TNXB: variants seen among roughly 807,000 people sequenced by gnomAD.
TNXB encodes tenascin XB, also known as tenascin-X.
A neutral mutation model predicts 340.5 loss-of-function variants in TNXB; 183 were observed. The ratio of observed to expected loss-of-function variants is 0.54; its 90% confidence interval spans 0.48 to 0.61. TNXB has a LOEUF of 0.61. Ranked by LOEUF, TNXB falls within the 20% of genes least tolerant of loss-of-function variation. TNXB has a pLI of 0.00. For missense variants in TNXB, 4,613 were observed against 5,446.4 expected (o/e 0.85, Z 4.82); for synonymous variants, 2,121 against 2,314.5 (o/e 0.92, Z 2.40).
chr6:32,097,366 C>T lies in TNXB; in HGVS notation c.487G>A (p.Gly163Ser). 1 of 1,612,534 alleles carries T rather than the reference C, an allele frequency of 6.2e-7. No individual in the cohort carries two copies. Among genetic ancestry groups the T allele is most frequent in the Non-Finnish European group, 8.5e-7 (1 of 1,179,834 alleles). The change falls in exon 3 of 44, where the codon GGT becomes AGT. Residue 163 changes from glycine to serine, a missense_variant. Coordinates refer to ENST00000644971, the MANE Select transcript of TNXB (RefSeq NM_001365276.2). The surrounding 1 kb of genome is among the most constrained non-coding windows in gnomAD (Gnocchi z 5.9). Reference sequence around the variant, plus strand: ...GTGGGGTCTGAGCAGGTGGGCCCACCCCAGCCTGGCTCACAGGAACAGGTG... The same window carrying T: ...GTGGGGTCTGAGCAGGTGGGCCCACTCCAGCCTGGCTCACAGGAACAGGTG... ...RCTCSCEPGW[G>S]GPTCSDPTDA...
chr6:32,057,323 C>G (rs909925914), intron 22 of TNXB, among the ~76,000 whole-genome samples: 1 of 152,208 alleles, frequency 6.6e-6, no homozygotes, highest in Non-Finnish European at 1.5e-5. Flanking sequence ...CAGCTCCTCA[C>G]CAGCTGCCAG....
rs1230628206 is a variant in TNXB, at chr6:32,068,460, T to C, written c.6150A>G (p.Lys2050=). 3 of 1,613,886 alleles carry C rather than the reference T, an allele frequency of 1.9e-6. No individual in the cohort carries two copies. Among genetic ancestry groups the C allele is most frequent in the East Asian group, 2.2e-5 (1 of 44,888 alleles). ...GGAAGCCGTACAGGTTCATCTTGTA[T>C]TTATGGTCTGGCTCCAGGCCCGAGA... ...VTISGLEPDH[K]YKMNLYGFHG... The change falls in exon 17 of 44, where the codon AAA becomes AAG. Residue 2050 remains lysine, a synonymous_variant. Coordinates refer to ENST00000644971, the MANE Select transcript of TNXB (RefSeq NM_001365276.2). This position sits in a 1 kb window ranked among gnomAD's most constrained non-coding sequence, Gnocchi z 5.3.
At position 32,068,560 on chromosome 6, in the gene TNXB, A is replaced by C. The variant is rs780431751; in HGVS notation, c.6050T>G (p.Phe2017Cys). The C allele has an allele frequency of 1.2e-6, 2 of 1,613,956 alleles. No homozygotes were observed. Among genetic ancestry groups the C allele is most frequent in the Admixed American group, 3.3e-5 (2 of 60,026 alleles). The change falls in exon 17 of 44, where the codon TTC becomes TGC. Residue 2017 changes from phenylalanine (F) to cysteine (C), a missense_variant. Physicochemically the swap from Phe to Cys is radical, Grantham distance 205. Around this residue, in one of 7 missense-constraint regions of TNXB, gnomAD observed 4,327 missense variants for 4,859.4 expected, o/e 0.89. Transcript: ENST00000644971. The surrounding 1 kb of genome is among the most constrained non-coding windows in gnomAD (Gnocchi z 5.3). ...ATCTCCATTCCTGTACTGGACCAGG[A>C]AGTGGTCAAACTGTCCCTCGGGAAC... ...WTVPEGQFDH[F>C]LVQYRNGDGQ...
At chr6:32,086,341 T>C (rs1378682528) in intron 6 of TNXB, among the ~76,000 whole-genome samples, 1 of 152,092 alleles carries the variant, frequency 6.6e-6, no homozygotes, top group Non-Finnish European at 1.5e-5. Context: ...AGGCAGGTAA[T>C]AGGTAAAATA....
At position 32,082,123 on chromosome 6, in the gene TNXB, G is replaced by T. The variant is rs1779497460; in HGVS notation, c.3649C>A (p.Leu1217Met). Reference sequence around the variant, plus strand: ...AATCTGTACTTGTGGTCAGGGTCCAGTGAGGAGACAACAAATGAACGCTCG... The same window carrying T: ...AATCTGTACTTGTGGTCAGGGTCCATTGAGGAGACAACAAATGAACGCTCG... ...GPERSFVVSS[L>M]DPDHKYRFTL... Residue 1217 changes from leucine to methionine, a missense_variant, in exon 9 of 44, where the codon CTG becomes ATG. Coordinates refer to ENST00000644971, the MANE Select transcript of TNXB (RefSeq NM_001365276.2). The surrounding 1 kb of genome is among the most constrained non-coding windows in gnomAD (Gnocchi z 5.0). 1 of 1,611,764 alleles carries T rather than the reference G, an allele frequency of 6.2e-7. No individual in the cohort carries two copies. Among genetic ancestry groups the T allele is most frequent in the Non-Finnish European group, 8.5e-7 (1 of 1,179,222 alleles).
At chr6:32,091,898 T>C (rs1342997770) in intron 4 of TNXB, among the ~76,000 whole-genome samples, 1 of 152,216 alleles carries the variant, frequency 6.6e-6, no homozygotes, top group Non-Finnish European at 1.5e-5. Context: ...GTTTTTAGAC[T>C]AGACCCAAGC....
rs1333865766 is a variant in TNXB at position 32,067,177 on chromosome 6, A to AAGAAAG, written c.6544+478_6544+483dup. Among the ~76,000 whole-genome samples the AAGAAAG allele has an allele frequency of 2.0e-5, 3 of 150,280 alleles. No individual in the cohort carries two copies. The East Asian group carries it at 5.9e-4, about 30-fold the overall frequency. Reference sequence around the variant, plus strand: ...AAAGAAAGAAAGAAAGAAAGAAAGAAAGAAAGAAAACATTCTAGTGATTCT... The same window carrying AAGAAAG: ...AAAGAAAGAAAGAAAGAAAGAAAGAAAGAAAGAGAAAGAAAACATTCTAGTGATTCT... On this transcript the variant is annotated intron_variant, in intron 18 of 43. Coordinates refer to ENST00000644971, the MANE Select transcript of TNXB (RefSeq NM_001365276.2). This position sits in a 1 kb window ranked among gnomAD's most constrained non-coding sequence, Gnocchi z 4.2.
Position 32,083,226 on chromosome 6 carries a change from A to C in TNXB, c.3446-900T>G, listed in dbSNP as rs1260257562. The stretch of plus-strand genomic sequence containing the variant: ...CCTCCCTGGTTCTGCCCCTCCCTGC[A>C]AGTCACTCCGCAAGCTACCCTGTGG... On this transcript the variant is annotated intron_variant, in intron 8 of 43. Transcript: ENST00000644971. This position sits in a 1 kb window ranked among gnomAD's most constrained non-coding sequence, Gnocchi z 4.6. 6.6e-6 allele frequency among the ~76,000 whole-genome samples: 1 copy of C among 152,060 alleles called. No individual in the cohort carries two copies. Among genetic ancestry groups the C allele is most frequent in the East Asian group, 1.9e-4 (1 of 5,182 alleles).
Position 32,073,609 on chromosome 6 carries a change from G to A in TNXB, c.4681+38C>T. 1.9e-6 allele frequency: 3 copies of A among 1,565,326 alleles called. No individual in the cohort carries two copies. The highest frequency in any genetic ancestry group is 1.7e-5 in the Admixed American group (1 of 58,296). ...GGGCCATGGGGTGGGGGAGCTCTGG[G>A]TAACCAGAGATGAGGACTGAGTCCC... On this transcript the variant is annotated intron_variant, in intron 12 of 43. Transcript: ENST00000644971. The surrounding 1 kb of genome is among the most constrained non-coding windows in gnomAD (Gnocchi z 4.6).
At position 32,085,163 on chromosome 6, in the gene TNXB, A is replaced by T. The variant is rs1779698238; in HGVS notation, c.3149-454T>A. On this transcript the variant is annotated intron_variant, in intron 7 of 43. Transcript: ENST00000644971. The surrounding 1 kb of genome is among the most constrained non-coding windows in gnomAD (Gnocchi z 6.4). ...GGAACAAAGAGGGGATGTGAAAGCCAGGTACCCCAGGACCTGTCTTTCACT... is the reference window on the plus strand; with the variant it reads ...GGAACAAAGAGGGGATGTGAAAGCCTGGTACCCCAGGACCTGTCTTTCACT... Among the ~76,000 whole-genome samples the T allele has an allele frequency of 1.3e-5, 2 of 152,100 alleles. No individual in the cohort carries two copies. Among genetic ancestry groups the T allele is most frequent in the African/African-American group, 2.4e-5 (1 of 41,408 alleles).
rs1778221620 is a variant in TNXB at position 32,064,654 on chromosome 6, A to G, written c.6841+167T>C. On this transcript the variant is annotated intron_variant, in intron 19 of 43. Coordinates refer to ENST00000644971, the MANE Select transcript of TNXB (RefSeq NM_001365276.2). This position sits in a 1 kb window ranked among gnomAD's most constrained non-coding sequence, Gnocchi z 5.3. ...AAAGCCCATGTGTAACGGGCAGAAG[A>G]CCTGGGGCAATACCAAAGTCTCGGA... Among the ~76,000 whole-genome samples, 1 of 152,064 alleles carries G rather than the reference A, an allele frequency of 6.6e-6. No individual in the cohort carries two copies. Among genetic ancestry groups the G allele is most frequent in the Non-Finnish European group, 1.5e-5 (1 of 68,016 alleles).
At chr6:32,104,709 G>A (rs991380623) in intron 1 of TNXB, among the ~76,000 whole-genome samples, 2 of 151,604 alleles carry the variant, frequency 1.3e-5, no homozygotes, top group Admixed American at 6.6e-5. Flanking sequence ...ATCATAGCTC[G>A]CTGCAGCATT....
chr6:32,061,490 C>A lies in TNXB; in HGVS notation c.7399G>T (p.Gly2467Trp), dbSNP rs765865300. 2 of 1,611,940 alleles carry A rather than the reference C, an allele frequency of 1.2e-6. No individual in the cohort carries two copies. Among genetic ancestry groups the A allele is most frequent in the Non-Finnish European group, 8.5e-7 (1 of 1,179,766 alleles). ...TATTTGCGCCCAGGCTCCAGGCCCC[C>A]CACGGTGACCTCGCTCTCCTCGCCC... ...VGGEESEVTV[G>W]GLEPGRKYKM... The change falls in exon 21 of 44, where the codon GGG becomes TGG. Residue 2467 changes from glycine to tryptophan, a missense_variant. Gly to Trp is a radical substitution (Grantham distance 184). Coordinates refer to ENST00000644971, the MANE Select transcript of TNXB (RefSeq NM_001365276.2). This position sits in a 1 kb window ranked among gnomAD's most constrained non-coding sequence, Gnocchi z 4.4.
At chr6:32,102,612 G>A (rs1027728366) in intron 1 of TNXB, among the ~76,000 whole-genome samples, 4 of 152,164 alleles carry the variant, frequency 2.6e-5, no homozygotes, top group South Asian at 2.1e-4. Flanking sequence ...GAATAATGCC[G>A]TTTATATGAG....
intron 1 of TNXB, among the ~76,000 whole-genome samples, chr6:32,103,265 A>C (rs1188543096): frequency 6.6e-6 from 1 of 151,534 alleles, no homozygotes; most frequent in Non-Finnish European, 1.5e-5. Flanking sequence ...TACTAAAAAT[A>C]AAAAATAAAA....
At chr6:32,060,346 A>G (rs1265252903) in intron 21 of TNXB, among the ~76,000 whole-genome samples, 1 of 151,662 alleles carries the variant, frequency 6.6e-6, no homozygotes, top group Non-Finnish European at 1.5e-5. Flanking sequence ...AAAAAAAAAG[A>G]AGGAAATAAA....
At position 32,056,587 on chromosome 6, in the gene TNXB, C is replaced by T. The variant is rs765368756; in HGVS notation, c.8142G>A (p.Thr2714=). 15 of 1,612,656 alleles carry T rather than the reference C, an allele frequency of 9.3e-6. No individual in the cohort carries two copies. The highest frequency in any genetic ancestry group is 1.6e-4 in the Middle Eastern group (1 of 6,084). Reference sequence around the variant, plus strand: ...CTGGGGCTGCCATCATCCACTCACCCGTCACCCCAATGACAGAGATGGGGC... The same window carrying T: ...CTGGGGCTGCCATCATCCACTCACCTGTCACCCCAATGACAGAGATGGGGC... The part of the protein sequence containing the change: ...RVGPISVIGV[T]AAEEETPSPT... The change falls in exon 23 of 44, where the codon ACG becomes ACA. Residue 2714 remains threonine (T), a splice_region_variant and synonymous_variant. Coordinates refer to ENST00000644971, the MANE Select transcript of TNXB (RefSeq NM_001365276.2).
Position 32,067,854 on chromosome 6 carries a change from G to T in TNXB, c.6351C>A (p.Val2117=). 6.2e-7 allele frequency: 1 copy of T among 1,613,008 alleles called. No homozygotes were observed. The highest frequency in any genetic ancestry group is 2.2e-5 in the East Asian group (1 of 44,882). The part of the protein sequence containing the change: ...SPDSLSLSWT[V]PQGRFDSFTV... ...TGAAGGAGTCGAAGCGGCCCTGGGG[G>T]ACGGTCCAGGAGAGGCTCAGCGAGT... Residue 2117 remains valine (V), a synonymous_variant, in exon 18 of 44, where the codon GTC becomes GTA. Coordinates refer to ENST00000644971, the MANE Select transcript of TNXB (RefSeq NM_001365276.2). This position sits in a 1 kb window ranked among gnomAD's most constrained non-coding sequence, Gnocchi z 4.2.
chr6:32,095,096 C>T lies in TNXB; in HGVS notation c.2338G>A (p.Glu780Lys). The change falls in exon 4 of 44, where the codon GAA (glutamate) becomes AAA (lysine). Residue 780 changes from glutamate to lysine, a missense_variant. By Grantham distance (56) the Glu-to-Lys change is moderately conservative (BLOSUM62 1). Transcript: ENST00000644971. The stretch of plus-strand genomic sequence containing the variant: ...CTCACCGTGGGGATGAACTGAATTT[C>T]ATAGGCATCCACGGGGCCAGGAGCC... ...TPAPGPVDAYEIQFIPTTEGA... is the reference protein window; with the variant it reads ...TPAPGPVDAYKIQFIPTTEGA... 6.5e-7 allele frequency: 1 copy of T among 1,549,022 alleles called. No individual in the cohort carries two copies. The highest frequency in any genetic ancestry group is 8.7e-7 in the Non-Finnish European group (1 of 1,146,086).
Sources: allele counts gnomAD v4.1 joint callset (sites outside exome capture counted in the v4.1 genomes callset), GRCh38; gene constraint gnomAD v4.1.1; regional missense constraint gnomAD v4.1.1; non-coding constraint Gnocchi (gnomAD v3.1); transcripts MANE v1.5; gene names NCBI Gene and HGNC (gene_info 2026-07-23, HGNC 2026-07-21).